Variants in KLRG1 observed in about 807,000 individuals in gnomAD.
KLRG1 encodes killer cell lectin-like receptor subfamily G member 1.
A neutral mutation model predicts 21.8 loss-of-function variants in KLRG1; 16 were observed. The observed-to-expected ratio is 0.73, with a 90% CI of 0.50 to 1.11. The LOEUF is 1.11. Ranked by LOEUF, KLRG1 falls within the 50% of genes most tolerant of loss-of-function variation. The pLI, the probability that KLRG1 is intolerant of heterozygous loss-of-function variation, is 0.00. For synonymous variants in KLRG1, 69 were observed against 75.9 expected, an observed-to-expected ratio of 0.91 and a Z score of 0.47; for missense variants, 173 against 218.3, an observed-to-expected ratio of 0.79 and a Z score of 1.31.
the KLRG1 span, among the ~76,000 whole-genome samples, chr12:9,193,697 G>A: frequency 3.3e-5 from 5 of 152,154 alleles, no homozygotes; most frequent in South Asian, 8.3e-4. Flanking sequence ...TTTGATCATC[G>A]TCATTAGACA....
At chr12:8,989,063 C>T (rs1010776803), upstream of KLRG1, among the ~76,000 whole-genome samples, 2 of 152,114 alleles carry the variant, frequency 1.3e-5, no homozygotes, top group African/African-American at 4.8e-5. Context: ...TAAAGACCAT[C>T]ACACAATTTG....
chr12:8,974,157 G>T (rs893738487), intron 1 of KLRG1, among the ~76,000 whole-genome samples: 4 of 144,790 alleles, frequency 2.8e-5, no homozygotes, highest in Non-Finnish European at 4.6e-5. Flanking sequence ...TTGTTTTTTT[G>T]TTTGTTTGTT....
At chr12:9,014,038 AG>A (rs1194312825), downstream of KLRG1, among the ~76,000 whole-genome samples, 1 of 152,194 alleles carries the variant, frequency 6.6e-6, no homozygotes, top group African/African-American at 2.4e-5. Context: ...GCTCAAAGAC[AG>A]GTTGTTTGAA....
At chr12:9,069,794 A>G in the KLRG1 span, 2 of 1,613,344 alleles carry the variant, frequency 1.2e-6, no homozygotes, top group African/African-American at 2.7e-5. Flanking sequence ...TGTCCGGCTC[A>G]CATGGTTAGA....
chr12:9,159,929 C>G, the KLRG1 span: 13 of 1,600,456 alleles, frequency 8.1e-6, no homozygotes, highest in Non-Finnish European at 9.4e-6. Context: ...AATAGATTTT[C>G]TTTCTTACCA....
chr12:8,974,748 GT>G (rs1361586576), intron 1 of KLRG1, among the ~76,000 whole-genome samples: 8 of 152,188 alleles, frequency 5.3e-5, no homozygotes, highest in Non-Finnish European at 1.2e-4. Context: ...GCCTTTTAAT[GT>G]GCTGTTGTTA....
chr12:9,104,225 C>G, the KLRG1 span: 1 of 1,601,724 alleles, frequency 6.2e-7, no homozygotes, highest in African/African-American at 1.3e-5. Flanking sequence ...TTGGTAATTT[C>G]TTTCCAAACT....
the KLRG1 span, chr12:9,028,916 A>T: frequency 3.1e-6 from 2 of 636,064 alleles, no homozygotes; most frequent in Admixed American, 3.7e-5. Flanking sequence ...TATGTGACAA[A>T]CCCAAAGCCC....
At chr12:8,969,045 C>A (rs1225435109) in intron 1 of KLRG1, among the ~76,000 whole-genome samples, 1 of 152,148 alleles carries the variant, frequency 6.6e-6, no homozygotes, top group African/African-American at 2.4e-5. Context: ...TTATCCTCAA[C>A]AAAGCTCTCC....
At chr12:9,028,905 A>T in the KLRG1 span, 1 of 637,296 alleles carries the variant, frequency 1.6e-6, no homozygotes, top group Non-Finnish European at 3.0e-6. Flanking sequence ...CCATAGTGGC[A>T]TATGTGACAA....
At chr12:9,152,189 A>C in the KLRG1 span, 1 of 1,435,190 alleles carries the variant, frequency 7.0e-7, no homozygotes, top group Non-Finnish European at 9.8e-7. Flanking sequence ...ATACTTTTGT[A>C]TGAAGTCTAT....
At chr12:9,107,131 G>A in the KLRG1 span, among the ~76,000 whole-genome samples, 2 of 152,190 alleles carry the variant, frequency 1.3e-5, no homozygotes, top group African/African-American at 2.4e-5. Flanking sequence ...GCTGGGAAGC[G>A]GCCTTCTATA....
intron 3 of KLRG1, among the ~76,000 whole-genome samples, chr12:9,006,215 T>C (rs1312275415): frequency 1.3e-5 from 2 of 152,238 alleles, no homozygotes; most frequent in Non-Finnish European, 2.9e-5. Flanking sequence ...ACAGACTAAA[T>C]AAATGAATAT....
the KLRG1 span, chr12:9,196,793 A>G: frequency 2.1e-6 from 2 of 939,042 alleles, no homozygotes; most frequent in Non-Finnish European, 3.4e-6. Flanking sequence ...TGCATTAAGT[A>G]AGTTAATTGA....
chr12:8,995,689 T>C (rs1947109156), intron 3 of KLRG1, among the ~76,000 whole-genome samples: 1 of 148,454 alleles, frequency 6.7e-6, no homozygotes, highest in Non-Finnish European at 1.5e-5. Flanking sequence ...GCAGATTCTT[T>C]TTTTTTTTTT....
At chr12:9,168,980 A>T in the KLRG1 span, 1 of 1,602,466 alleles carries the variant, frequency 6.2e-7, no homozygotes. Flanking sequence ...ATCCCCTGGA[A>T]AAAAATAATT....
At chr12:9,031,850 C>T in the KLRG1 span, among the ~76,000 whole-genome samples, 2 of 152,156 alleles carry the variant, frequency 1.3e-5, no homozygotes, top group African/African-American at 4.8e-5. Context: ...TTGTCTGACC[C>T]GTATTAATTT....
At chr12:8,973,628 T>G (rs1012123157) in intron 1 of KLRG1, among the ~76,000 whole-genome samples, 6 of 152,324 alleles carry the variant, frequency 3.9e-5, no homozygotes, top group Middle Eastern at 3.4e-3. Flanking sequence ...GAAGCACAAA[T>G]GGACTAAGAC....
At chr12:9,112,360 T>C in the KLRG1 span, 1 of 1,610,990 alleles carries the variant, frequency 6.2e-7, no homozygotes, top group Non-Finnish European at 8.5e-7. Flanking sequence ...TTGTCCTGTC[T>C]GTAGGCTTCT....
Sources: gnomAD v4.1 joint callset for allele counts (sites outside exome capture counted in the v4.1 genomes callset) on GRCh38, gnomAD v4.1.1 for gene constraint, MANE v1.5 for transcripts, NCBI Gene and HGNC (gene_info 2026-07-23, HGNC 2026-07-21) for gene names.